Variants in TMEM132D observed in about 807,000 individuals in gnomAD.
TMEM132D encodes mature OL transmembrane protein.
In TMEM132D, 21 loss-of-function variants were observed where a neutral mutation model predicts 62.3. The ratio of observed to expected loss-of-function variants is 0.34; its 90% CI spans 0.24 to 0.49. The LOEUF (loss-of-function observed/expected upper bound fraction) is 0.49. Among genes scored for constraint, TMEM132D ranks in the 20% least tolerant of loss-of-function variants. The pLI is 0.99. For synonymous variants in TMEM132D, 621 were observed against 575.6 expected (o/e 1.08, Z -1.13); for missense variants, 1,346 against 1,402.8 (o/e 0.96, Z 0.65).
chr12:129,395,280 C>T (rs1378762102), intron 3 of TMEM132D, among the ~76,000 whole-genome samples: 2 of 152,046 alleles, frequency 1.3e-5, no homozygotes, highest in East Asian at 1.9e-4. Flanking sequence ...ATTGGTAAAG[C>T]CACTTTGGAG....
chr12:129,780,305 G>A (rs560669884), intron 1 of TMEM132D, among the ~76,000 whole-genome samples: 2 of 151,058 alleles, frequency 1.3e-5, no homozygotes, highest in East Asian at 4.0e-4. Context: ...GACACTCAGG[G>A]CTTTGGCTTA....
rs182346935 is a variant in TMEM132D at position 129,307,496 on chromosome 12, C to T, written c.1299+30138G>A. 5.3e-5 allele frequency among the ~76,000 whole-genome samples: 8 copies of T among 152,264 alleles called. No homozygotes were observed. The East Asian group carries it at 1.4e-3, about 26-fold the overall frequency. On this transcript the variant is annotated intron_variant, in intron 4 of 8. Transcript: ENST00000422113. ...CTTAGCCCTTCTATTTCCTAGGTTT[C>T]TCAAAATGTACATATCCAAAACAAA... is the stretch of plus-strand genomic sequence containing the variant.
intron 3 of TMEM132D, among the ~76,000 whole-genome samples, chr12:129,468,459 C>T (rs1005010212): frequency 6.6e-6 from 1 of 152,202 alleles, no homozygotes. Flanking sequence ...ATCATCAAGG[C>T]AGCATCTCTG....
At chr12:129,227,300 AATATATATATATAT>A (rs141108255) in intron 4 of TMEM132D, among the ~76,000 whole-genome samples, 12 of 108,742 alleles carry the variant, frequency 1.1e-4, no homozygotes, top group South Asian at 6.9e-4. Flanking sequence ...TGCGTTAGGA[AATATATATATATAT>A]ATATATATAT....
intron 1 of TMEM132D, among the ~76,000 whole-genome samples, chr12:129,705,628 A>G (rs1177696976): frequency 6.6e-6 from 1 of 152,200 alleles, no homozygotes; most frequent in Non-Finnish European, 1.5e-5. Flanking sequence ...CTGTTGCTGA[A>G]AAGAACACTG....
At chr12:129,126,579 C>CA (rs1876220600) in intron 5 of TMEM132D, among the ~76,000 whole-genome samples, 1 of 152,006 alleles carries the variant, frequency 6.6e-6, no homozygotes, top group African/African-American at 2.4e-5. Flanking sequence ...AATTGAAGAG[C>CA]AAAAATATGC....
At chr12:129,683,191 TGAA>T (rs1318191228) in intron 2 of TMEM132D, 2 of 152,190 alleles carry the variant, frequency 1.3e-5, no homozygotes, top group African/African-American at 2.4e-5. Flanking sequence ...TTCGCATTTA[TGAA>T]GAAGAATTTT....
chr12:129,244,344 C>T (rs1880023738), intron 4 of TMEM132D, among the ~76,000 whole-genome samples: 1 of 147,118 alleles, frequency 6.8e-6, no homozygotes, highest in South Asian at 2.2e-4. Context: ...CGAGATCGCG[C>T]CACTGCACTC....
chr12:129,511,674 T>G (rs1214009236), intron 3 of TMEM132D, among the ~76,000 whole-genome samples: 1 of 152,246 alleles, frequency 6.6e-6, no homozygotes, highest in Non-Finnish European at 1.5e-5. Context: ...GCCCATTTTT[T>G]AACTGGGTCA....
intron 4 of TMEM132D, among the ~76,000 whole-genome samples, chr12:129,264,560 C>G (rs1880637015): frequency 6.6e-6 from 1 of 152,158 alleles, no homozygotes; most frequent in Admixed American, 6.5e-5. Context: ...AGCAAACCCA[C>G]TACTGAGTAT....
At chr12:129,092,078 T>A (rs540191389) in intron 5 of TMEM132D, among the ~76,000 whole-genome samples, 19 of 152,358 alleles carry the variant, frequency 1.2e-4, no homozygotes, top group African/African-American at 4.6e-4. Context: ...GAAGGGATGA[T>A]CTATTAAAAC....
chr12:129,263,038 T>A (rs1379029670), intron 4 of TMEM132D, among the ~76,000 whole-genome samples: 1 of 152,072 alleles, frequency 6.6e-6, no homozygotes, highest in African/African-American at 2.4e-5. Context: ...GAGAACGTAT[T>A]CTCCATTTCC....
intron 3 of TMEM132D, among the ~76,000 whole-genome samples, chr12:129,443,148 A>G (rs1872989166): frequency 1.3e-5 from 2 of 152,050 alleles, no homozygotes; most frequent in Non-Finnish European, 2.9e-5. Flanking sequence ...CCTCTTTCCA[A>G]TCCGGCTTCC....
chr12:129,664,508 T>C (rs918127037), intron 2 of TMEM132D, among the ~76,000 whole-genome samples: 2 of 144,104 alleles, frequency 1.4e-5, no homozygotes, highest in Non-Finnish European at 3.0e-5. Context: ...CACTGCACGC[T>C]CTGCCTCCTG....
chr12:129,670,580 C>T (rs1880479388), intron 2 of TMEM132D, among the ~76,000 whole-genome samples: 1 of 152,098 alleles, frequency 6.6e-6, no homozygotes, highest in Admixed American at 6.5e-5. Flanking sequence ...CACTGGCTTC[C>T]CCCTACCCAC....
At chr12:129,338,962 G>A (rs1298100152) in intron 3 of TMEM132D, among the ~76,000 whole-genome samples, 1 of 152,006 alleles carries the variant, frequency 6.6e-6, no homozygotes, top group Non-Finnish European at 1.5e-5. Context: ...AGGAGGGCGA[G>A]AGAGACAGAC....
At chr12:129,686,024 C>T (rs1024764977) in intron 2 of TMEM132D, among the ~76,000 whole-genome samples, 2 of 152,148 alleles carry the variant, frequency 1.3e-5, no homozygotes, top group East Asian at 1.9e-4. Context: ...AACTTGCTTT[C>T]GATTTTACAG....
At chr12:129,405,152 T>A (rs897451928) in intron 3 of TMEM132D, among the ~76,000 whole-genome samples, 27 of 152,198 alleles carry the variant, frequency 1.8e-4, no homozygotes, top group African/African-American at 6.3e-4. Context: ...AGAAATTTGT[T>A]CCTTAACACC....
At chr12:129,467,504 G>A (rs1048471322) in intron 3 of TMEM132D, among the ~76,000 whole-genome samples, 1 of 152,162 alleles carries the variant, frequency 6.6e-6, no homozygotes, top group African/African-American at 2.4e-5. Context: ...AAGAGGTTGA[G>A]CATTCTGATT....
Sources: gnomAD v4.1 joint callset for allele counts (sites outside exome capture counted in the v4.1 genomes callset) on GRCh38, gnomAD v4.1.1 for gene constraint, MANE v1.5 for transcripts, NCBI Gene and HGNC (gene_info 2026-07-23, HGNC 2026-07-21) for gene names.